Variants in NEDD4L observed in about 807,000 individuals in gnomAD.
The protein encoded by NEDD4L is NEDD4 like E3 ubiquitin protein ligase, also known as E3 ubiquitin-protein ligase NEDD4-like.
NEDD4L carries 54 observed loss-of-function variants against 148.9 expected under a neutral mutation model. The observed-to-expected ratio is 0.36, with a 90% CI of 0.29 to 0.45. NEDD4L has a LOEUF of 0.45. Ranked by LOEUF, NEDD4L falls within the 20% of genes least tolerant of loss-of-function variation. NEDD4L has a pLI of 1.00. For missense variants in NEDD4L, 856 were observed against 1,233.8 expected (o/e 0.69, Z 4.59); for synonymous variants, 433 against 440.7 (o/e 0.98, Z 0.22).
chr18:58,169,232 G>T (rs188434796), intron 2 of NEDD4L, among the ~76,000 whole-genome samples: 1 of 152,324 alleles, frequency 6.6e-6, no homozygotes, highest in Admixed American at 6.5e-5. Context: ...TATTAAAGGA[G>T]CTTTGTTTGG....
intron 5 of NEDD4L, among the ~76,000 whole-genome samples, chr18:58,274,045 C>T (rs1037159715): frequency 6.6e-6 from 1 of 152,194 alleles, no homozygotes; most frequent in Non-Finnish European, 1.5e-5. Context: ...GCAGCTTCCA[C>T]TTCCTGCCTT....
intron 1 of NEDD4L, among the ~76,000 whole-genome samples, chr18:58,141,932 A>G (rs2033556041): frequency 6.6e-6 from 1 of 152,118 alleles, no homozygotes; most frequent in Non-Finnish European, 1.5e-5. Flanking sequence ...TGTGAAAGCC[A>G]AGTAGGAGCT....
At chr18:58,278,256 G>C (rs1307987034) in intron 5 of NEDD4L, among the ~76,000 whole-genome samples, 29 of 152,216 alleles carry the variant, frequency 1.9e-4, no homozygotes, top group Non-Finnish European at 2.9e-5. Flanking sequence ...CTGGAGTTGG[G>C]GTCTGACCCT....
chr18:58,388,754 G>A (rs1055304732), intron 27 of NEDD4L: 1 of 292,272 alleles, frequency 3.4e-6, no homozygotes, highest in Non-Finnish European at 6.6e-6. Flanking sequence ...CCAGGGTAAT[G>A]CACAGATGCT....
intron 4 of NEDD4L, among the ~76,000 whole-genome samples, chr18:58,250,372 T>TGAA (rs2047770217): frequency 6.6e-6 from 1 of 152,102 alleles, no homozygotes; most frequent in Non-Finnish European, 1.5e-5. Context: ...CTGGTCTCAC[T>TGAA]CTCCTGACCT....
intron 5 of NEDD4L, among the ~76,000 whole-genome samples, chr18:58,273,461 C>T (rs2051381644): frequency 6.6e-6 from 1 of 152,190 alleles, no homozygotes; most frequent in Non-Finnish European, 1.5e-5. Flanking sequence ...TTTCCAAATT[C>T]TGTGCCAGAT....
At chr18:58,221,523 T>C (rs2043771418) in intron 2 of NEDD4L, 2 of 984,440 alleles carry the variant, frequency 2.0e-6, no homozygotes, top group Admixed American at 6.1e-5. Flanking sequence ...CTACCTGTCA[T>C]TGAAGTGAAT....
intron 14 of NEDD4L, 56 bp downstream of exon 14, chr18:58,341,225 T>C: frequency 1.3e-6 from 2 of 1,583,600 alleles, no homozygotes; most frequent in Non-Finnish European, 1.7e-6. Flanking sequence ...GAAATGTACA[T>C]GACCGAACTC....
intron 1 of NEDD4L, among the ~76,000 whole-genome samples, chr18:58,056,774 T>C (rs1038275349): frequency 6.6e-6 from 1 of 152,026 alleles, no homozygotes; most frequent in Admixed American, 6.6e-5. Flanking sequence ...GGAGATGGGG[T>C]TTCACCATGT....
intron 2 of NEDD4L, among the ~76,000 whole-genome samples, chr18:58,211,661 A>G (rs1486689554): frequency 2.0e-5 from 3 of 152,238 alleles, no homozygotes; most frequent in Admixed American, 1.3e-4. Context: ...AATACGTACT[A>G]CCTGAGAGGA....
intron 2 of NEDD4L, among the ~76,000 whole-genome samples, chr18:58,242,151 G>A (rs933034212): frequency 5.9e-5 from 9 of 152,202 alleles, no homozygotes; most frequent in African/African-American, 9.7e-5. Context: ...AGCACCCAGT[G>A]TGTACTGTGA....
chr18:58,206,205 G>A (rs769279295), intron 2 of NEDD4L, among the ~76,000 whole-genome samples: 15 of 151,950 alleles, frequency 9.9e-5, no homozygotes, highest in South Asian at 2.1e-4. Context: ...CCTGACCAAC[G>A]TGGCGAAACC....
In NEDD4L at chr18:58,128,074, TCTCA is replaced by T. The variant is rs2031456303; in HGVS notation, c.49-37710_49-37707del. On this transcript the variant is annotated intron_variant, in intron 1 of 30. Transcript: ENST00000400345. ...TTGTTTTGTTTTGTTTGAGACAGGG[TCTCA>T]CTCTGTCGCCCAGGCTGGAGTGCGA... Among the ~76,000 whole-genome samples, 3 of 151,976 alleles carry T rather than the reference TCTCA, an allele frequency of 2.0e-5. No individual in the cohort carries two copies. The South Asian group carries it at 6.2e-4, about 32-fold the overall frequency.
rs777397224 is a variant in NEDD4L, at chr18:58,330,755, A to G, written c.831A>G (p.Ser277=). The change falls in exon 11 of 31, where the codon TCA becomes TCG. Residue 277 remains serine, a synonymous_variant. Transcript: ENST00000400345. ...TCTGAAAGCCTTGGGAGACCATTTC[A>G]GAGGAAGTGAATATCGCTGGAGACT... The part of the protein sequence containing the change: ...GDVPEPWETI[S]EEVNIAGDSL... 5.6e-6 allele frequency: 9 copies of G among 1,601,330 alleles called. No individual in the cohort carries two copies. The South Asian group carries it at 6.7e-5, about 12-fold the overall frequency.
At chr18:58,387,696 T>TGTAG in intron 27 of NEDD4L, 198 bp downstream of exon 27, 1 of 590,216 alleles carries the variant, frequency 1.7e-6, no homozygotes, top group South Asian at 2.9e-5. Flanking sequence ...TGTTTGCCAA[T>TGTAG]GTAGGAGTAA....
At chr18:58,298,727 G>A (rs977648946) in intron 5 of NEDD4L, among the ~76,000 whole-genome samples, 1 of 152,148 alleles carries the variant, frequency 6.6e-6, no homozygotes, top group African/African-American at 2.4e-5. Flanking sequence ...AGCACATGAT[G>A]ACAAACATTT....
chr18:58,354,468 G>C (rs2044328548), intron 18 of NEDD4L, among the ~76,000 whole-genome samples: 1 of 151,796 alleles, frequency 6.6e-6, no homozygotes. Flanking sequence ...AGGATAACTG[G>C]CTACCCCATA....
chr18:58,161,075 G>A (rs1159429359), intron 1 of NEDD4L, among the ~76,000 whole-genome samples: 1 of 151,940 alleles, frequency 6.6e-6, no homozygotes, highest in Non-Finnish European at 1.5e-5. Flanking sequence ...GGAGTGCAAT[G>A]GTGCGATCCC....
chr18:58,364,205 C>T, intron 19 of NEDD4L, 63 bp from the exon 20 acceptor site: 1 of 928,282 alleles, frequency 1.1e-6, no homozygotes, highest in Non-Finnish European at 1.7e-6. Flanking sequence ...AATGTTGCCT[C>T]AGTATACATA....
Sources: allele counts gnomAD v4.1 joint callset (sites outside exome capture counted in the v4.1 genomes callset), GRCh38; gene constraint gnomAD v4.1.1; transcripts MANE v1.5; gene names NCBI Gene and HGNC (gene_info 2026-07-23, HGNC 2026-07-21).